Variants in CFAP299 observed in about 807,000 individuals in gnomAD.
The protein encoded by CFAP299 is cilia- and flagella-associated protein 299.
CFAP299 carries 21 observed loss-of-function variants against 27.0 expected under a neutral mutation model. The ratio of observed to expected loss-of-function variants is 0.78; its 90% CI spans 0.55 to 1.12. The LOEUF (loss-of-function observed/expected upper bound fraction) is 1.12, where lower values mean the gene tolerates loss of function less well. CFAP299 is among the 50% of genes most tolerant of loss of function. CFAP299 has a pLI of 0.00. For synonymous variants in CFAP299, 104 were observed against 98.1 expected (o/e 1.06, Z -0.36); for missense variants, 310 against 276.6 (o/e 1.12, Z -0.86).
rs1722108261 is a variant in CFAP299 at position 80,335,870 on chromosome 4, C to T, written c.102C>T (p.Tyr34=). 6.2e-7 allele frequency: 1 copy of T among 1,604,238 alleles called. No individual in the cohort carries two copies. Among genetic ancestry groups the T allele is most frequent in the Non-Finnish European group, 8.5e-7 (1 of 1,170,946 alleles). Residue 34 remains tyrosine (Y), a synonymous_variant, in exon 1 of 6, where the codon TAC becomes TAT. Coordinates refer to ENST00000358105, the MANE Select transcript of CFAP299 (RefSeq NM_152770.3). ...CGCAGATCACTACTGTGGACTTGTA[C>T]TACCTGGAGGTAAGGGCGGAGCGCG... ...LDSQITTVDL[Y]YLEDETLARQ...
chr4:80,923,412 A>C (rs563368163), intron 4 of CFAP299, among the ~76,000 whole-genome samples: 2 of 152,190 alleles, frequency 1.3e-5, no homozygotes, highest in South Asian at 4.1e-4. Flanking sequence ...CATATATGCC[A>C]GTAGGCCAAG....
chr4:80,466,468 T>C (rs1334838772), intron 2 of CFAP299, among the ~76,000 whole-genome samples: 1 of 152,190 alleles, frequency 6.6e-6, no homozygotes, highest in Non-Finnish European at 1.5e-5. Context: ...CAAATATCCA[T>C]GGCTATCTAA....
chr4:80,535,085 G>C (rs1005308813), intron 2 of CFAP299, among the ~76,000 whole-genome samples: 1 of 152,064 alleles, frequency 6.6e-6, no homozygotes, highest in Non-Finnish European at 1.5e-5. Context: ...TTGTGTGTGT[G>C]TGCCTATTCC....
chr4:80,644,588 C>A (rs1297661570), intron 3 of CFAP299, among the ~76,000 whole-genome samples: 1 of 152,168 alleles, frequency 6.6e-6, no homozygotes, highest in Non-Finnish European at 1.5e-5. Context: ...GTCCCTGTGG[C>A]ATTACAGATC....
chr4:80,593,231 T>C (rs191449364), intron 3 of CFAP299, among the ~76,000 whole-genome samples: 7 of 152,348 alleles, frequency 4.6e-5, no homozygotes, highest in African/African-American at 1.7e-4. Context: ...CTGAACCAAC[T>C]GTCTTCATTG....
At chr4:80,646,738 CT>C (rs1423243689) in intron 3 of CFAP299, among the ~76,000 whole-genome samples, 6 of 152,048 alleles carry the variant, frequency 3.9e-5, no homozygotes, top group Non-Finnish European at 7.4e-5. Context: ...TTCTTTCTAC[CT>C]TCCCTTATCT....
intron 2 of CFAP299, among the ~76,000 whole-genome samples, chr4:80,548,760 T>A (rs1483606470): frequency 6.6e-6 from 1 of 152,150 alleles, no homozygotes; most frequent in Non-Finnish European, 1.5e-5. Flanking sequence ...AACTTTGCTA[T>A]CTTCTATAAT....
At chr4:80,782,225 A>C (rs2903736) in intron 3 of CFAP299, among the ~76,000 whole-genome samples, 15,404 of 151,986 alleles carry the variant, frequency 0.1, 921 homozygotes, top group Middle Eastern at 0.2. Context: ...GGAACCTAAA[A>C]GATGTAGCAG....
At chr4:80,583,508 G>T (rs571410533) in intron 3 of CFAP299, among the ~76,000 whole-genome samples, 19 of 151,878 alleles carry the variant, frequency 1.3e-4, no homozygotes, top group South Asian at 1.2e-3. Flanking sequence ...CTCCCAAGTT[G>T]CATCACCCAC....
intron 2 of CFAP299, among the ~76,000 whole-genome samples, chr4:80,483,077 G>A (rs1186545450): frequency 1.3e-5 from 2 of 152,152 alleles, no homozygotes; most frequent in African/African-American, 4.8e-5. Context: ...TAGTAGTTTG[G>A]ATTATACAGG....
chr4:80,571,053 G>T lies in CFAP299; in HGVS notation c.243-12040G>T, dbSNP rs188961112. Among the ~76,000 whole-genome samples the T allele has an allele frequency of 3.8e-3, 573 of 152,210 alleles. 4 individuals carry two copies. Among genetic ancestry groups the T allele is most frequent in the Non-Finnish European group, 5.9e-3 (399 of 67,986 alleles). ...GTACATACTTAAGTGATGTAAAGAG[G>T]TGAGGTGATGATTCTAAAATTTGGA... is the stretch of plus-strand genomic sequence containing the variant. On this transcript the variant is annotated intron_variant, in intron 2 of 5. Coordinates refer to ENST00000358105, the MANE Select transcript of CFAP299 (RefSeq NM_152770.3).
intron 3 of CFAP299, among the ~76,000 whole-genome samples, chr4:80,588,562 G>T (rs971013257): frequency 2.7e-5 from 4 of 150,458 alleles, no homozygotes; most frequent in Non-Finnish European, 5.9e-5. Context: ...AATGTATTTG[G>T]TCATTTACAA....
rs1722907546 is a variant in CFAP299, at chr4:80,349,270, T to C, written c.111+13391T>C. On this transcript the variant is annotated intron_variant, in intron 1 of 5. Coordinates refer to ENST00000358105, the MANE Select transcript of CFAP299 (RefSeq NM_152770.3). ...TTCTCCTTTCTAAATGTATTACAAATGTCTCTTGTGGTTCACCCTGACATG... is the reference window on the plus strand; with the variant it reads ...TTCTCCTTTCTAAATGTATTACAAACGTCTCTTGTGGTTCACCCTGACATG... 2.6e-5 allele frequency among the ~76,000 whole-genome samples: 4 copies of C among 152,350 alleles called. No homozygotes were observed. The South Asian group carries it at 8.3e-4, about 32-fold the overall frequency.
At chr4:80,447,297 G>A in intron 2 of CFAP299, among the ~76,000 whole-genome samples, 1 of 148,172 alleles carries the variant, frequency 6.7e-6, no homozygotes, top group South Asian at 2.2e-4. Context: ...CACTACGCCC[G>A]GCTAATTTTT....
chr4:80,636,431 AT>A (rs765782114), intron 3 of CFAP299, among the ~76,000 whole-genome samples: 128 of 152,228 alleles, frequency 8.4e-4, no homozygotes, highest in Admixed American at 1.5e-3. Flanking sequence ...GATTAAAAAA[AT>A]CTTACAAGTG....
At chr4:80,779,238 C>T (rs182324571) in intron 3 of CFAP299, among the ~76,000 whole-genome samples, 1 of 152,096 alleles carries the variant, frequency 6.6e-6, no homozygotes, top group Non-Finnish European at 1.5e-5. Flanking sequence ...CACTCTCTGA[C>T]AAATAAGTTC....
intron 2 of CFAP299, among the ~76,000 whole-genome samples, chr4:80,536,774 G>GATTCT (rs1184867002): frequency 6.6e-6 from 1 of 152,074 alleles, no homozygotes; most frequent in Non-Finnish European, 1.5e-5. Context: ...AGGAAACATA[G>GATTCT]ATAACAGGCT....
rs530297973 is a variant in CFAP299, at chr4:80,411,644, G to A, written c.242+48760G>A. The stretch of plus-strand genomic sequence containing the variant: ...GCACTATTGATTTGTTAGTAAAAAT[G>A]TGAATTCTTTCACCATTTTTTTGTT... On this transcript the variant is annotated intron_variant, in intron 2 of 5. Transcript: ENST00000358105. Among the ~76,000 whole-genome samples, 563 of 151,980 alleles carry A rather than the reference G, an allele frequency of 3.7e-3. 2 individuals are homozygous for A. Among genetic ancestry groups the A allele is most frequent in the South Asian group, 0.014 (67 of 4,802 alleles).
At chr4:80,897,522 G>A (rs1255444279) in intron 4 of CFAP299, among the ~76,000 whole-genome samples, 1 of 152,126 alleles carries the variant, frequency 6.6e-6, no homozygotes, top group African/African-American at 2.4e-5. Flanking sequence ...TGGGAGGACT[G>A]AAGAAACAGA....
Sources: allele counts gnomAD v4.1 joint callset (sites outside exome capture counted in the v4.1 genomes callset), GRCh38; gene constraint gnomAD v4.1.1; transcripts MANE v1.5; gene names NCBI Gene and HGNC (gene_info 2026-07-23, HGNC 2026-07-21).